Variants in DGKI observed in about 807,000 individuals in gnomAD.
The protein encoded by DGKI is diacylglycerol kinase iota.
DGKI carries 55 observed loss-of-function variants against 147.5 expected under a neutral mutation model. The ratio of observed to expected loss-of-function variants is 0.37; its 90% CI spans 0.30 to 0.47. DGKI has a LOEUF of 0.47. Among genes scored for constraint, DGKI ranks in the 20% least tolerant of loss-of-function variants. The pLI, the probability that DGKI is intolerant of heterozygous loss-of-function variation, is 1.00. For missense variants in DGKI, 1,007 were observed against 1,323.8 expected (o/e 0.76, Z 3.71); for synonymous variants, 469 against 477.1 (o/e 0.98, Z 0.22).
chr7:137,472,373 T>TA (rs1814998101), intron 23 of DGKI, among the ~76,000 whole-genome samples: 1 of 122,858 alleles, frequency 8.1e-6, no homozygotes, highest in Non-Finnish European at 1.6e-5. Flanking sequence ...CATATAATTA[T>TA]TATATGTATA....
chr7:137,705,805 A>G (rs1018051563), intron 1 of DGKI, among the ~76,000 whole-genome samples: 1 of 152,192 alleles, frequency 6.6e-6, no homozygotes, highest in Non-Finnish European at 1.5e-5. Flanking sequence ...GTCAGTATCC[A>G]TGAACATAAC....
At chr7:137,788,718 C>A (rs1026070757) in intron 1 of DGKI, among the ~76,000 whole-genome samples, 2 of 151,854 alleles carry the variant, frequency 1.3e-5, no homozygotes, top group African/African-American at 4.8e-5. Flanking sequence ...CATCTAGGCC[C>A]TAACCAGAAA....
intron 1 of DGKI, among the ~76,000 whole-genome samples, chr7:137,810,955 T>C (rs7808994): frequency 0.57 from 85,877 of 151,962 alleles, 26,120 homozygotes; most frequent in African/African-American, 0.77. Flanking sequence ...CTCTATCTTA[T>C]GTAGTACATT....
At position 137,766,543 on chromosome 7, in the gene DGKI, G is replaced by T. The variant is rs1280690510; in HGVS notation, c.402-76541C>A. Among the ~76,000 whole-genome samples, 3 of 152,282 alleles carry T rather than the reference G, an allele frequency of 2.0e-5. No homozygotes were observed. In the East Asian group the frequency reaches 5.8e-4, roughly 29 times the overall value. On this transcript the variant is annotated intron_variant, in intron 1 of 32. Transcript: ENST00000614521. ...AAACCAAGAAAAAGCAAGCCAATTT[G>T]CACGGAGCCCCTCAGAAAAGCTGAG... is the stretch of plus-strand genomic sequence containing the variant.
chr7:137,752,432 A>C (rs944192315), intron 1 of DGKI, among the ~76,000 whole-genome samples: 1 of 152,136 alleles, frequency 6.6e-6, no homozygotes, highest in Non-Finnish European at 1.5e-5. Flanking sequence ...AAGGGAGGAG[A>C]CCACCCCTCA....
At chr7:137,474,005 C>T (rs1815079640) in intron 23 of DGKI, among the ~76,000 whole-genome samples, 1 of 152,092 alleles carries the variant, frequency 6.6e-6, no homozygotes, top group African/African-American at 2.4e-5. Flanking sequence ...TGAAATGCTT[C>T]CCTGAAATAC....
chr7:137,751,072 T>TC (rs1169623397), intron 1 of DGKI, among the ~76,000 whole-genome samples: 4 of 152,214 alleles, frequency 2.6e-5, no homozygotes, highest in African/African-American at 9.6e-5. Flanking sequence ...TTTGTTCCTA[T>TC]CTAAGGCTTG....
chr7:137,423,164 G>A (rs551543641), intron 28 of DGKI, among the ~76,000 whole-genome samples: 1 of 152,290 alleles, frequency 6.6e-6, no homozygotes, highest in South Asian at 2.1e-4. Context: ...GAGGGTAAGA[G>A]AAATGGAAGA....
rs1427459788 is a variant in DGKI at position 137,678,587 on chromosome 7, A to G, written c.576T>C (p.Leu192=). ...ETNVSGDLCY[L]GEENCQVRFA... ...ATCTGACTTGGCAGTTCTCCTCTCCAAGGTAGCAGAGGTCTCCCGAGACGT... is the reference window on the plus strand; with the variant it reads ...ATCTGACTTGGCAGTTCTCCTCTCCGAGGTAGCAGAGGTCTCCCGAGACGT... The change falls in exon 3 of 33, where the codon CTT becomes CTC. Residue 192 remains leucine, a synonymous_variant. Coordinates refer to ENST00000614521, the MANE Select transcript of DGKI (RefSeq NM_001321708.2). 6.2e-7 allele frequency: 1 copy of G among 1,614,058 alleles called. No homozygotes were observed. The highest frequency in any genetic ancestry group is 1.1e-5 in the South Asian group (1 of 91,082).
At chr7:137,675,384 G>GGTA (rs1563144773) in intron 3 of DGKI, among the ~76,000 whole-genome samples, 1 of 152,062 alleles carries the variant, frequency 6.6e-6, no homozygotes, top group East Asian at 1.9e-4. Context: ...TGAGGTGCTC[G>GGTA]TTAAAATCAC....
intron 1 of DGKI, among the ~76,000 whole-genome samples, chr7:137,783,653 T>A (rs1796585500): frequency 1.3e-5 from 2 of 152,232 alleles, no homozygotes; most frequent in African/African-American, 4.8e-5. Flanking sequence ...TGTGAAAAGA[T>A]CATTGCCTAG....
intron 27 of DGKI, among the ~76,000 whole-genome samples, chr7:137,446,085 T>C (rs1374692443): frequency 6.6e-6 from 1 of 152,214 alleles, no homozygotes; most frequent in East Asian, 1.9e-4. Context: ...TGCAATTAAT[T>C]TGTCACAGAG....
chr7:137,425,916 C>A (rs1319097565), intron 28 of DGKI, among the ~76,000 whole-genome samples: 1 of 152,110 alleles, frequency 6.6e-6, no homozygotes, highest in Non-Finnish European at 1.5e-5. Flanking sequence ...ACCAAATCTA[C>A]GTCTGATTGG....
chr7:137,667,643 T>A (rs1444714155), intron 3 of DGKI, among the ~76,000 whole-genome samples: 1 of 151,576 alleles, frequency 6.6e-6, no homozygotes, highest in East Asian at 1.9e-4. Context: ...GATATTTGCT[T>A]TGATATGGAA....
chr7:137,706,176 A>G (rs1211286834), intron 1 of DGKI, among the ~76,000 whole-genome samples: 1 of 151,898 alleles, frequency 6.6e-6, no homozygotes, highest in African/African-American at 2.4e-5. Flanking sequence ...CCTGGCTACT[A>G]TATTGCCAGG....
At chr7:137,612,487 A>G (rs1048372096) in intron 8 of DGKI, among the ~76,000 whole-genome samples, 8 of 152,144 alleles carry the variant, frequency 5.3e-5, no homozygotes, top group African/African-American at 1.2e-4. Flanking sequence ...CTATTTTTGT[A>G]TAAATACATA....
At chr7:137,726,833 ACTT>A (rs1180268363) in intron 1 of DGKI, among the ~76,000 whole-genome samples, 2 of 152,188 alleles carry the variant, frequency 1.3e-5, no homozygotes, top group African/African-American at 4.8e-5. Flanking sequence ...ATGATATATC[ACTT>A]CTTCTGTTTT....
At position 137,462,992 on chromosome 7, in the gene DGKI, C is replaced by T. The variant is rs1297210201; in HGVS notation, c.2735+497G>A. Among the ~76,000 whole-genome samples the T allele has an allele frequency of 2.0e-5, 3 of 152,268 alleles. No individual in the cohort carries two copies. The East Asian group carries it at 5.8e-4, about 29-fold the overall frequency. On this transcript the variant is annotated intron_variant, in intron 27 of 32. Transcript: ENST00000614521. ...ACTGCTTACCCACAGAGACTGCAAC[C>T]ACAACATGGGCAGCACCCAGCTTTA...
At chr7:137,635,305 A>G (rs1821271523) in intron 6 of DGKI, among the ~76,000 whole-genome samples, 1 of 152,170 alleles carries the variant, frequency 6.6e-6, no homozygotes, top group Non-Finnish European at 1.5e-5. Flanking sequence ...AGCAAAAGAC[A>G]CCAAAGCTGA....
Sources: allele counts gnomAD v4.1 joint callset (sites outside exome capture counted in the v4.1 genomes callset), GRCh38; gene constraint gnomAD v4.1.1; transcripts MANE v1.5; gene names NCBI Gene and HGNC (gene_info 2026-07-23, HGNC 2026-07-21).